The following EIF2AK3 variants were observed in gnomAD, a reference collection of about 807,000 sequenced individuals.
EIF2AK3 encodes eukaryotic translation initiation factor 2-alpha kinase 3.
A neutral mutation model predicts 113.5 loss-of-function variants in EIF2AK3; 50 were observed. The ratio of observed to expected loss-of-function variants is 0.44; its 90% CI spans 0.35 to 0.56. The LOEUF (loss-of-function observed/expected upper bound fraction) is 0.56. Among genes scored for constraint, EIF2AK3 ranks in the 20% least tolerant of loss-of-function variants. The pLI, the probability that EIF2AK3 is intolerant of heterozygous loss-of-function variation, is 0.00. For synonymous variants in EIF2AK3, 448 were observed against 495.4 expected (o/e 0.90, Z 1.27); for missense variants, 1,185 against 1,378.0 (o/e 0.86, Z 2.22).
chr2:88,617,729 C>T (rs1675620003), intron 1 of EIF2AK3, among the ~76,000 whole-genome samples: 1 of 149,760 alleles, frequency 6.7e-6, no homozygotes, highest in Non-Finnish European at 1.5e-5. Flanking sequence ...TGCACTCCAG[C>T]CTGGCAACAC....
Position 88,562,594 on chromosome 2 carries a change from G to C in EIF2AK3, c.2986-204C>G, listed in dbSNP as rs1052276827. Among the ~76,000 whole-genome samples the C allele has an allele frequency of 5.3e-5, 8 of 152,268 alleles. No individual in the cohort carries two copies. The East Asian group carries it at 1.3e-3, about 26-fold the overall frequency. ...AGTAATTAAACTACTCAGCATTACA[G>C]AAGGAAAGCCCAGGTATAGCTCTGA... On this transcript the variant is annotated intron_variant, in intron 14 of 16. Coordinates refer to ENST00000303236, the MANE Select transcript of EIF2AK3 (RefSeq NM_004836.7).
At position 88,585,916 on chromosome 2, in the gene EIF2AK3, T is replaced by G; in HGVS notation, c.1575A>C (p.Ile525=). The G allele has an allele frequency of 2.5e-6, 4 of 1,614,164 alleles. No homozygotes were observed. The highest frequency in any genetic ancestry group is 3.4e-6 in the Non-Finnish European group (4 of 1,179,996). The change falls in exon 9 of 17, where the codon ATA becomes ATC. Residue 525 remains isoleucine, a synonymous_variant. Transcript: ENST00000303236. ...TGATACAAAACAAAATCGTTGCAAC[T>G]ATTTCTTTCCACCAGTGTAAAAGAA... ...PVLLLHWWKE[I]VATILFCIIA...
chr2:88,607,100 T>C (rs1356938275), intron 2 of EIF2AK3, among the ~76,000 whole-genome samples: 3 of 152,152 alleles, frequency 2.0e-5, no homozygotes, highest in Non-Finnish European at 4.4e-5. Context: ...ATAAGGAAGG[T>C]CTTCATATTT....
intron 1 of EIF2AK3, among the ~76,000 whole-genome samples, chr2:88,621,652 T>C (rs1342631359): frequency 6.6e-6 from 1 of 152,204 alleles, no homozygotes; most frequent in Non-Finnish European, 1.5e-5. Flanking sequence ...GGTCCTCACC[T>C]ACTAAGTAAA....
chr2:88,574,707 C>T lies in EIF2AK3; in HGVS notation c.2776G>A (p.Glu926Lys). 2.5e-6 allele frequency: 4 copies of T among 1,614,162 alleles called. No individual in the cohort carries two copies. Among genetic ancestry groups the T allele is most frequent in the Non-Finnish European group, 3.4e-6 (4 of 1,180,018 alleles). ...HIFLQIAEAV[E>K]FLHSKGLMHR... The stretch of plus-strand genomic sequence containing the variant: ...ATCAGTCCTTTACTGTGAAGAAACT[C>T]CACTGCCTCTGCGATCTGCAGGAAG... The change falls in exon 13 of 17, where the codon GAG (glutamate) becomes AAG (lysine). Residue 926 changes from glutamate (E) to lysine (K), a missense_variant. Around this residue, in one of 3 missense-constraint regions of EIF2AK3, gnomAD observed 877 missense variants for 1,024.2 expected, o/e 0.86. Coordinates refer to ENST00000303236, the MANE Select transcript of EIF2AK3 (RefSeq NM_004836.7).
At chr2:88,593,890 T>G in intron 3 of EIF2AK3, 10 of 997,384 alleles carry the variant, frequency 1.0e-5, no homozygotes, top group Non-Finnish European at 1.2e-5. Context: ...TGATCCAAAC[T>G]AAAATCCTCA....
intron 1 of EIF2AK3, among the ~76,000 whole-genome samples, chr2:88,615,601 T>TA (rs1439442298): frequency 1.3e-5 from 2 of 152,160 alleles, no homozygotes; most frequent in African/African-American, 4.8e-5. Flanking sequence ...TCCCAGCCTC[T>TA]AGAACTATGA....
intron 9 of EIF2AK3, among the ~76,000 whole-genome samples, chr2:88,584,527 G>GAAAAAA (rs66817563): frequency 4.8e-4 from 35 of 73,330 alleles, no homozygotes; most frequent in African/African-American, 1.7e-3. Context: ...CCCTGTCTCT[G>GAAAAAA]AAAAAAAAAA....
At chr2:88,571,168 A>C in intron 13 of EIF2AK3, 127 bp from the exon 14 acceptor site, 3 of 1,167,662 alleles carry the variant, frequency 2.6e-6, no homozygotes, top group Non-Finnish European at 3.7e-6. Flanking sequence ...ATTTCTTTTT[A>C]AAATGGGCTA....
rs987403103 is a variant in EIF2AK3, at chr2:88,556,998, A to G, written c.*738T>C. 2.0e-5 allele frequency: 3 copies of G among 152,292 alleles called. No individual in the cohort carries two copies. The highest frequency in any genetic ancestry group is 4.4e-5 in the Non-Finnish European group (3 of 68,044). 9.4% of individuals were successfully genotyped at this position (152,292 alleles called of 1,614,324 possible). On this transcript the variant is annotated 3_prime_UTR_variant, in exon 17 of 17. Coordinates refer to ENST00000303236, the MANE Select transcript of EIF2AK3 (RefSeq NM_004836.7). ...ACACTTAAGATTTCATTAGGCTTAA[A>G]AAGTCCATAGTTGAAGAAGTTAGTT... is the stretch of plus-strand genomic sequence containing the variant.
intron 1 of EIF2AK3, among the ~76,000 whole-genome samples, chr2:88,620,884 G>A (rs1391819307): frequency 6.6e-6 from 1 of 152,204 alleles, no homozygotes; most frequent in Non-Finnish European, 1.5e-5. Flanking sequence ...GGGCCTAGCA[G>A]TACCTGGGCC....
intron 10 of EIF2AK3, among the ~76,000 whole-genome samples, chr2:88,582,002 T>A (rs1674611430): frequency 6.6e-6 from 1 of 152,158 alleles, no homozygotes; most frequent in Non-Finnish European, 1.5e-5. Flanking sequence ...TATTTACAGG[T>A]CCAGGGATCA....
intron 11 of EIF2AK3, 76 bp from the exon 12 acceptor site, chr2:88,576,779 T>C (rs969735130): frequency 1.3e-6 from 2 of 1,501,086 alleles, no homozygotes; most frequent in Admixed American, 1.8e-5. Context: ...ATATGACTTA[T>C]ACCCCTAAAA....
Position 88,590,862 on chromosome 2 carries a change from T to C in EIF2AK3, c.958A>G (p.Met320Val). 2 of 1,614,102 alleles carry C rather than the reference T, an allele frequency of 1.2e-6. No individual in the cohort carries two copies. Among genetic ancestry groups the C allele is most frequent in the South Asian group, 1.1e-5 (1 of 91,080 alleles). The change falls in exon 5 of 17, where the codon ATG becomes GTG. Residue 320 changes from methionine (M) to valine (V), a missense_variant. Met to Val is a conservative substitution (Grantham distance 21). This residue lies in a region of EIF2AK3 where 877 missense variants were observed against 1,024.2 expected (regional missense o/e 0.86). Transcript: ENST00000303236. ...TGTCCTCCCTTCTTACTGAATGCCATAACTTTCCAGTCAGCAACCGAAACC... is the reference window on the plus strand; with the variant it reads ...TGTCCTCCCTTCTTACTGAATGCCACAACTTTCCAGTCAGCAACCGAAACC... The part of the protein sequence containing the change: ...IKVSVADWKV[M>V]AFSKKGGHLE...
chr2:88,577,525 G>A (rs1175745638), intron 11 of EIF2AK3, among the ~76,000 whole-genome samples: 9 of 149,886 alleles, frequency 6.0e-5, no homozygotes, highest in Admixed American at 1.3e-4. Context: ...ACAGTGATGC[G>A]ATCTCAGCTC....
Position 88,627,220 on chromosome 2 carries a change from G to C in EIF2AK3, c.55C>G (p.Leu19Val). 2 of 1,430,748 alleles carry C rather than the reference G, an allele frequency of 1.4e-6. No homozygotes were observed. The highest frequency in any genetic ancestry group is 1.8e-6 in the Non-Finnish European group (2 of 1,082,584). The allele number at this position is 1,430,748 out of a possible 1,614,324, so 88.6% of individuals were successfully genotyped here. A position where few individuals can be genotyped will look rare whatever the true frequency, so the allele number is the denominator to read the frequency against. ...GTCCTTGCCGCGAGCCCCAGCAGCA[G>C]CAGCAGCAGCAGCAGCGCCCGTACC... is the stretch of plus-strand genomic sequence containing the variant. Reference protein sequence around the residue: ...LLVRALLLLLLLLGLAARTVA... With the variant: ...LLVRALLLLLVLLGLAARTVA... The change falls in exon 1 of 17, where the codon CTG becomes GTG. Residue 19 changes from leucine (L) to valine (V), a missense_variant. Leu to Val is a conservative substitution (Grantham distance 32). This residue lies in a region of EIF2AK3 where 189 missense variants were observed against 175.2 expected (regional missense o/e 1.08). Coordinates refer to ENST00000303236, the MANE Select transcript of EIF2AK3 (RefSeq NM_004836.7).
intron 2 of EIF2AK3, among the ~76,000 whole-genome samples, chr2:88,608,161 C>T (rs1238979902): frequency 6.6e-6 from 1 of 152,148 alleles, no homozygotes; most frequent in Non-Finnish European, 1.5e-5. Context: ...AATCCTTTAT[C>T]CTTCAGCTTC....
At chr2:88,570,411 A>G (rs2104402418) in intron 14 of EIF2AK3, among the ~76,000 whole-genome samples, 1 of 152,318 alleles carries the variant, frequency 6.6e-6, no homozygotes, top group South Asian at 2.1e-4. Flanking sequence ...GTGAAGGCCA[A>G]GCAGCCCACA....
chr2:88,607,372 C>G (rs1353151728), intron 2 of EIF2AK3, among the ~76,000 whole-genome samples: 1 of 152,316 alleles, frequency 6.6e-6, no homozygotes, highest in South Asian at 2.1e-4. Flanking sequence ...CTACTATTAA[C>G]TGGCAAAAAT....
Sources: gnomAD v4.1 joint callset for allele counts (sites outside exome capture counted in the v4.1 genomes callset) on GRCh38, gnomAD v4.1.1 for gene constraint, gnomAD v4.1.1 regional missense constraint, MANE v1.5 for transcripts, NCBI Gene and HGNC (gene_info 2026-07-23, HGNC 2026-07-21) for gene names.